The following NUMB variants were observed in gnomAD, a reference collection of about 807,000 sequenced individuals.
NUMB encodes the protein protein numb homolog.
NUMB carries 29 observed loss-of-function variants against 59.7 expected under a neutral mutation model. The observed-to-expected ratio is 0.49, with a 90% CI of 0.36 to 0.66. The LOEUF (loss-of-function observed/expected upper bound fraction) is 0.66, where lower values mean the gene tolerates loss of function less well. Among genes scored for constraint, NUMB ranks in the 30% least tolerant of loss-of-function variants. The probability of loss-of-function intolerance (pLI) is 0.00; values close to 1 mark genes in which losing one functional copy is unlikely to be tolerated. For synonymous variants in NUMB, 288 were observed against 288.2 expected (o/e 1.00, Z 0.01); for missense variants, 723 against 822.0 (o/e 0.88, Z 1.47).
chr14:73,345,131 T>C (rs1399879674), intron 4 of NUMB, among the ~76,000 whole-genome samples: 1 of 152,104 alleles, frequency 6.6e-6, no homozygotes, highest in East Asian at 1.9e-4. Flanking sequence ...AAAAAGAAAA[T>C]GTGGTATGTA....
intron 6 of NUMB, among the ~76,000 whole-genome samples, chr14:73,310,348 T>C (rs1890712290): frequency 6.6e-6 from 1 of 152,238 alleles, no homozygotes; most frequent in African/African-American, 2.4e-5. Context: ...GGATATTTAT[T>C]GAAAGTTCTC....
chr14:73,352,493 T>C (rs1440572961), intron 4 of NUMB, among the ~76,000 whole-genome samples: 119 of 8,186 alleles, frequency 0.015, 16 homozygotes, highest in East Asian at 0.022. Flanking sequence ...TATATATATA[T>C]ATATATATAT....
At chr14:73,416,448 A>G (rs1897131756) in intron 1 of NUMB, among the ~76,000 whole-genome samples, 2 of 152,096 alleles carry the variant, frequency 1.3e-5, no homozygotes, top group African/African-American at 4.8e-5. Flanking sequence ...TATCAGTATA[A>G]AAGCTCTTTA....
Position 73,278,045 on chromosome 14 carries a change from C to CAAAAAA in NUMB, c.1241-758_1241-753dup, listed in dbSNP as rs57146032. On this transcript the variant is annotated intron_variant, in intron 12 of 12. Coordinates refer to ENST00000555238, the MANE Select transcript of NUMB (RefSeq NM_001005743.2). Reference sequence around the variant, plus strand: ...CTAGTGACACAGCGAGACTCCGTCTCAAAAAAAAAAAAAAAAAAAAAAACA... The same window carrying CAAAAAA: ...CTAGTGACACAGCGAGACTCCGTCTCAAAAAAAAAAAAAAAAAAAAAAAAAAAAACA... Among the ~76,000 whole-genome samples the CAAAAAA allele has an allele frequency of 1.3e-3, 87 of 69,126 alleles. 3 individuals are homozygous for CAAAAAA. The highest frequency in any genetic ancestry group is 4.0e-3 in the African/African-American group (66 of 16,620). The allele number at this position is 69,126 out of a possible 152,430, so 45.3% of individuals were successfully genotyped here.
At position 73,292,737 on chromosome 14, in the gene NUMB, G is replaced by C. The variant is rs1373699205; in HGVS notation, c.447C>G (p.Asp149Glu). Residue 149 changes from aspartate to glutamate, a missense_variant, in exon 8 of 13, where the codon GAC becomes GAG. By Grantham distance (45) the Asp-to-Glu change is conservative (BLOSUM62 2). Coordinates refer to ENST00000555238, the MANE Select transcript of NUMB (RefSeq NM_001005743.2). The stretch of plus-strand genomic sequence containing the variant: ...AATACATATTTGCTGGACTCACTGT[G>C]TCCTTGACAGCCATGAAGCAGTGAC... ...WICHCFMAVK[D>E]TGERLSHAVG... 1.2e-6 allele frequency: 2 copies of C among 1,614,028 alleles called. No homozygotes were observed. The highest frequency in any genetic ancestry group is 2.7e-5 in the African/African-American group (2 of 74,940).
chr14:73,312,787 C>T (rs767981997), intron 6 of NUMB, among the ~76,000 whole-genome samples: 1 of 150,974 alleles, frequency 6.6e-6, no homozygotes, highest in Non-Finnish European at 1.5e-5. Context: ...GGCCCCTCAA[C>T]TGCTTCTGAT....
chr14:73,397,124 T>A (rs761046655), intron 2 of NUMB, among the ~76,000 whole-genome samples: 2 of 150,502 alleles, frequency 1.3e-5, no homozygotes, highest in Non-Finnish European at 3.0e-5. Context: ...TGATATGCCG[T>A]CTCAAAAAAA....
chr14:73,376,458 C>A (rs1786007707), intron 2 of NUMB, among the ~76,000 whole-genome samples: 2 of 151,652 alleles, frequency 1.3e-5, no homozygotes, highest in Admixed American at 1.3e-4. Flanking sequence ...AATGTCAGGT[C>A]TTCCCAACTT....
At chr14:73,400,585 A>G (rs181837071) in intron 2 of NUMB, among the ~76,000 whole-genome samples, 4 of 152,340 alleles carry the variant, frequency 2.6e-5, no homozygotes, top group Admixed American at 2.0e-4. Context: ...GTGGCTGGAC[A>G]TCTCTAGATA....
chr14:73,401,828 C>G (rs1001102792), intron 2 of NUMB, among the ~76,000 whole-genome samples: 2 of 152,022 alleles, frequency 1.3e-5, no homozygotes, highest in Admixed American at 6.6e-5. Context: ...CTCGGCCTCC[C>G]AGAGTGCTGG....
rs1200124051 is a variant in NUMB, at chr14:73,352,473, CACACATATATATATATAT to C, written c.126+3135_126+3152del. ...ACACACACACATACACACACACACA[CACACATATATATATATAT>C]ATATATATATATATATATATATATA... On this transcript the variant is annotated intron_variant, in intron 4 of 12. Transcript: ENST00000555238. 7.4e-3 allele frequency among the ~76,000 whole-genome samples: 151 copies of C among 20,454 alleles called. 16 individuals are homozygous for C. Among genetic ancestry groups the C allele is most frequent in the African/African-American group, 0.015 (96 of 6,234 alleles). The allele number at this position is 20,454 out of a possible 152,430, so 13.4% of individuals were successfully genotyped here. A position where few individuals can be genotyped will look rare whatever the true frequency, so the allele number is the denominator to read the frequency against.
At chr14:73,308,399 G>A (rs1890583212) in intron 6 of NUMB, among the ~76,000 whole-genome samples, 1 of 152,178 alleles carries the variant, frequency 6.6e-6, no homozygotes, top group African/African-American at 2.4e-5. Context: ...ACATATTAAA[G>A]TGTGAGGTGA....
intron 8 of NUMB, 55 bp downstream of exon 8, chr14:73,292,679 A>G: frequency 6.3e-7 from 1 of 1,585,462 alleles, no homozygotes; most frequent in Non-Finnish European, 8.6e-7. Flanking sequence ...CAAACCCAGA[A>G]AGAGCCCAGC....
intron 10 of NUMB, 82 bp downstream of exon 10, chr14:73,283,999 A>T: frequency 1.6e-6 from 2 of 1,283,446 alleles, no homozygotes; most frequent in South Asian, 1.3e-5. Context: ...TGCCTAGTTT[A>T]ATGGGATTAG....
At position 73,275,837 on chromosome 14, in the gene NUMB, CTT is replaced by C. The variant is rs968428254; in HGVS notation, c.*739_*740del. 1 of 152,378 alleles carries C rather than the reference CTT, an allele frequency of 6.6e-6. No homozygotes were observed. The highest frequency in any genetic ancestry group is 6.6e-5 in the Admixed American group (1 of 15,264). 9.4% of individuals were successfully genotyped at this position (152,378 alleles called of 1,614,324 possible). A position where few individuals can be genotyped will look rare whatever the true frequency, so the allele number is the denominator to read the frequency against. On this transcript the variant is annotated 3_prime_UTR_variant, in exon 13 of 13. Coordinates refer to ENST00000555238, the MANE Select transcript of NUMB (RefSeq NM_001005743.2). ...CTGTCTGCAGCTTCCAGCCTTTCCTCTTTTTATTTCAGTAGGCATCAATGATA... is the reference window on the plus strand; with the variant it reads ...CTGTCTGCAGCTTCCAGCCTTTCCTCTTTATTTCAGTAGGCATCAATGATA...
chr14:73,280,453 T>TC (rs888725045), intron 11 of NUMB, among the ~76,000 whole-genome samples: 10 of 152,022 alleles, frequency 6.6e-5, no homozygotes, highest in African/African-American at 9.6e-5. Context: ...AAGATTTTTT[T>TC]CCCCCTCTAT....
intron 1 of NUMB, among the ~76,000 whole-genome samples, chr14:73,450,249 C>T (rs1020760131): frequency 1.3e-5 from 2 of 152,126 alleles, no homozygotes; most frequent in Non-Finnish European, 2.9e-5. Flanking sequence ...TTATGGATGA[C>T]GAAACTGAAT....
intron 3 of NUMB, among the ~76,000 whole-genome samples, chr14:73,363,456 C>T (rs955093481): frequency 1.3e-5 from 2 of 152,092 alleles, no homozygotes; most frequent in Admixed American, 1.3e-4. Flanking sequence ...CCGAAAAATA[C>T]CATGCCCAGA....
chr14:73,384,731 C>A (rs1349785492), intron 2 of NUMB, among the ~76,000 whole-genome samples: 3 of 64,112 alleles, frequency 4.7e-5, no homozygotes, highest in Non-Finnish European at 8.1e-5. Context: ...CCACGCCTGG[C>A]TTTTTTGTTT....
Sources: allele counts gnomAD v4.1 joint callset (sites outside exome capture counted in the v4.1 genomes callset), GRCh38; gene constraint gnomAD v4.1.1; transcripts MANE v1.5; gene names NCBI Gene and HGNC (gene_info 2026-07-23, HGNC 2026-07-21).